The following PLAAT2 variants were observed in gnomAD, a reference collection of about 807,000 sequenced individuals.
PLAAT2 encodes phospholipase A and acyltransferase 2.
PLAAT2 carries 12 observed loss-of-function variants against 12.8 expected under a neutral mutation model. That is an observed-to-expected ratio of 0.94 (90% CI 0.60 to 1.52). The LOEUF is 1.52. PLAAT2 is among the 40% of genes most tolerant of loss of function. The pLI is 0.00. For missense variants in PLAAT2, 166 were observed against 208.1 expected (o/e 0.80, Z 1.24); for synonymous variants, 79 against 86.8 (o/e 0.91, Z 0.50).
At chr11:63,560,219 C>T (rs1565240771) in intron 1 of PLAAT2, 26 bp from the exon 2 acceptor site, 1 of 1,565,438 alleles carries the variant, frequency 6.4e-7, no homozygotes. Context: ...CAGAAACAGG[C>T]AGAGGTGAGC....
At chr11:63,564,675 G>A (rs1015956972), upstream of PLAAT2, among the ~76,000 whole-genome samples, 7 of 152,196 alleles carry the variant, frequency 4.6e-5, no homozygotes, top group Admixed American at 6.5e-5. Flanking sequence ...TATTCCTTCT[G>A]GAGGGAGACA....
intron 3 of PLAAT2, among the ~76,000 whole-genome samples, chr11:63,556,049 T>A (rs983859052): frequency 1.3e-5 from 2 of 152,206 alleles, no homozygotes; most frequent in African/African-American, 4.8e-5. Context: ...CAGCCTTATT[T>A]TGCCAGAAGC....
intron 1 of PLAAT2, among the ~76,000 whole-genome samples, chr11:63,561,053 CT>C (rs1446068088): frequency 2.6e-5 from 4 of 152,332 alleles, no homozygotes; most frequent in Admixed American, 2.0e-4. Context: ...CCTCCTCCCC[CT>C]ATCTCAGCTG....
Position 63,560,098 on chromosome 11 carries a change from A to G in PLAAT2, c.105T>C (p.His35=). 6.2e-7 allele frequency: 1 copy of G among 1,611,088 alleles called. No homozygotes were observed. The highest frequency in any genetic ancestry group is 8.5e-7 in the Non-Finnish European group (1 of 1,177,806). Residue 35 remains histidine (H), a synonymous_variant, in exon 2 of 4, where the codon CAT becomes CAC. Transcript: ENST00000255695. ...ACCCATCCTTACTTGCCGGAGCCAG[A>G]TGGACCACATAGCCATCTCCCACGT... ...AIYVGDGYVV[H]LAPASEIAGA... is the part of the protein sequence containing the mutation.
intron 3 of PLAAT2, among the ~76,000 whole-genome samples, chr11:63,555,277 T>TTCCA (rs1384453022): frequency 6.6e-6 from 1 of 152,180 alleles, no homozygotes; most frequent in East Asian, 1.9e-4. Context: ...TATCCATGGA[T>TTCCA]TCCACATCCA....
chr11:63,565,044 G>A (rs2017550825), upstream of PLAAT2, among the ~76,000 whole-genome samples: 2 of 152,260 alleles, frequency 1.3e-5, no homozygotes, highest in South Asian at 4.1e-4. Context: ...GGAAAGGAGA[G>A]TCTGCAAATC....
At chr11:63,554,176 T>C (rs1197490860) in intron 3 of PLAAT2, among the ~76,000 whole-genome samples, 1 of 58,304 alleles carries the variant, frequency 1.7e-5, no homozygotes, top group Non-Finnish European at 3.3e-5. Flanking sequence ...GGGTGGGGGG[T>C]GGGGGTGAAA....
At chr11:63,564,756 T>G (rs537376444), upstream of PLAAT2, among the ~76,000 whole-genome samples, 4 of 152,312 alleles carry the variant, frequency 2.6e-5, no homozygotes, top group East Asian at 5.8e-4. Flanking sequence ...CACTCAGGCT[T>G]GCTGATCATC....
intron 3 of PLAAT2, among the ~76,000 whole-genome samples, chr11:63,556,922 TATC>T (rs1200814879): frequency 2.0e-5 from 3 of 152,240 alleles, no homozygotes; most frequent in Non-Finnish European, 4.4e-5. Context: ...GTGAGATGGT[TATC>T]ATGAAACTGT....
chr11:63,563,507 A>G (rs561085662), upstream of PLAAT2: 10 of 622,874 alleles, frequency 1.6e-5, no homozygotes, highest in Admixed American at 2.4e-4. Flanking sequence ...TCACAAGGTC[A>G]GGAGATCGAG....
intron 1 of PLAAT2, among the ~76,000 whole-genome samples, chr11:63,560,953 G>A (rs560638030): frequency 2.6e-5 from 4 of 152,310 alleles, no homozygotes; most frequent in Non-Finnish European, 4.4e-5. Context: ...GCATGGGTGC[G>A]AGGAATGTTG....
intron 2 of PLAAT2, 111 bp downstream of exon 2, chr11:63,559,974 G>A: frequency 1.5e-6 from 1 of 670,728 alleles, no homozygotes; most frequent in Non-Finnish European, 2.6e-6. Context: ...TCAGCATTAT[G>A]TATTGAGTGC....
chr11:63,558,231 C>T (rs2017485115), intron 3 of PLAAT2, among the ~76,000 whole-genome samples, 161 bp downstream of exon 3: 1 of 152,138 alleles, frequency 6.6e-6, no homozygotes, highest in Non-Finnish European at 1.5e-5. Context: ...ACCCTTGTCC[C>T]CACCCCAAAT....
At position 63,561,644 on chromosome 11, in the gene PLAAT2, CAAAAAAAA is replaced by C. The variant is rs61140464; in HGVS notation, c.10-1459_10-1452del. Among the ~76,000 whole-genome samples, 329 of 35,994 alleles carry C rather than the reference CAAAAAAAA, an allele frequency of 9.1e-3. 1 individual carries two copies. The highest frequency in any genetic ancestry group is 0.012 in the Non-Finnish European group (250 of 20,904). 23.6% of individuals were successfully genotyped at this position (35,994 alleles called of 152,430 possible). On this transcript the variant is annotated intron_variant, in intron 1 of 3. Transcript: ENST00000255695. ...TGGGCGATAGAGTGAGACTCCATCA[CAAAAAAAA>C]AAAAAAAAAAAAAAAAAAAGACTAC...
intron 1 of PLAAT2, among the ~76,000 whole-genome samples, chr11:63,560,660 C>T (rs189318547): frequency 1.6e-4 from 24 of 152,294 alleles, no homozygotes; most frequent in African/African-American, 5.8e-4. Flanking sequence ...GGCAGGCGGA[C>T]ACTTGACCCA....
intron 3 of PLAAT2, among the ~76,000 whole-genome samples, chr11:63,556,282 AG>A (rs1410503647): frequency 7.2e-5 from 11 of 152,122 alleles, no homozygotes; most frequent in African/African-American, 2.7e-4. Flanking sequence ...TCAACAAGAG[AG>A]GCTCCAGGAC....
At chr11:63,560,744 C>T (rs1013812120) in intron 1 of PLAAT2, among the ~76,000 whole-genome samples, 1 of 152,258 alleles carries the variant, frequency 6.6e-6, no homozygotes, top group East Asian at 1.9e-4. Context: ...GTCTCAGGAA[C>T]GTTAGGTAAC....
chr11:63,561,569 C>T lies in PLAAT2; in HGVS notation c.10-1376G>A, dbSNP rs373462252. Among the ~76,000 whole-genome samples the T allele has an allele frequency of 5.6e-4, 82 of 146,562 alleles. 1 individual carries two copies. In the South Asian group the frequency reaches 0.018, roughly 32 times the overall value. On this transcript the variant is annotated intron_variant, in intron 1 of 3. Coordinates refer to ENST00000255695, the MANE Select transcript of PLAAT2 (RefSeq NM_017878.2). ...CTGAGGCATGAGAATTGCTTGAACC[C>T]GGGAGGCAGGGGTTGCAGTGAGCAG...
intron 3 of PLAAT2, among the ~76,000 whole-genome samples, chr11:63,553,326 C>G (rs1188799023): frequency 6.6e-6 from 1 of 152,024 alleles, no homozygotes; most frequent in Admixed American, 6.5e-5. Context: ...GGAGGAAAAC[C>G]AGATGCACCT....
Sources: gnomAD v4.1 joint callset for allele counts (sites outside exome capture counted in the v4.1 genomes callset) on GRCh38, gnomAD v4.1.1 for gene constraint, MANE v1.5 for transcripts, NCBI Gene and HGNC (gene_info 2026-07-23, HGNC 2026-07-21) for gene names.